Variants in NFIA observed in about 807,000 individuals in gnomAD.
NFIA encodes nuclear factor I A, also known as nuclear factor 1 A-type.
NFIA carries 8 observed loss-of-function variants against 62.8 expected under a neutral mutation model. That is an observed-to-expected ratio of 0.13 (90% CI 0.07 to 0.23). NFIA has a LOEUF of 0.23. Ranked by LOEUF, NFIA falls within the 10% of genes least tolerant of loss-of-function variation. The pLI is 1.00. For missense variants in NFIA, 410 were observed against 642.1 expected, an observed-to-expected ratio of 0.64 and a Z score of 3.91; for synonymous variants, 235 against 238.1, an observed-to-expected ratio of 0.99 and a Z score of 0.12.
At chr1:61,347,277 C>A (rs1662285256) in intron 4 of NFIA, among the ~76,000 whole-genome samples, 1 of 146,242 alleles carries the variant, frequency 6.8e-6, no homozygotes, top group Admixed American at 7.1e-5. Context: ...GGGTTCACAC[C>A]ATTCTCCTGC....
intron 2 of NFIA, among the ~76,000 whole-genome samples, chr1:61,102,504 T>G (rs1317281027): frequency 1.3e-5 from 2 of 152,212 alleles, no homozygotes; most frequent in Non-Finnish European, 2.9e-5. Flanking sequence ...CCTTTTCTTC[T>G]TTCCCTATCT....
At chr1:61,322,824 A>G (rs1045255273) in intron 3 of NFIA, among the ~76,000 whole-genome samples, 4 of 152,216 alleles carry the variant, frequency 2.6e-5, no homozygotes, top group African/African-American at 9.6e-5. Context: ...ATAAGTCCCC[A>G]AGAGTAAGGA....
chr1:61,280,456 T>TAC (rs1360774360), intron 3 of NFIA, among the ~76,000 whole-genome samples: 1 of 152,042 alleles, frequency 6.6e-6, no homozygotes, highest in East Asian at 1.9e-4. Flanking sequence ...TGTGTGTATA[T>TAC]ATATATGTAT....
At chr1:61,225,418 T>A (rs1324217449) in intron 2 of NFIA, among the ~76,000 whole-genome samples, 1 of 151,982 alleles carries the variant, frequency 6.6e-6, no homozygotes. Flanking sequence ...GCCCAGCTAA[T>A]TTTTGTATTT....
intron 2 of NFIA, among the ~76,000 whole-genome samples, chr1:61,190,913 T>G (rs1651569654): frequency 6.6e-6 from 1 of 152,226 alleles, no homozygotes; most frequent in South Asian, 2.1e-4. Context: ...AATTGAGGTT[T>G]GTAGTTTTAA....
chr1:61,130,222 T>C (rs537605850), intron 2 of NFIA, among the ~76,000 whole-genome samples: 2 of 152,180 alleles, frequency 1.3e-5, no homozygotes, highest in African/African-American at 2.4e-5. Context: ...CCAGGCTGTT[T>C]CCAGTTGTCT....
intron 3 of NFIA, among the ~76,000 whole-genome samples, chr1:61,313,898 T>G (rs961596788): frequency 2.6e-5 from 4 of 152,210 alleles, no homozygotes; most frequent in African/African-American, 9.7e-5. Flanking sequence ...ACTCTACCAG[T>G]TACTGTCTGT....
At chr1:61,192,695 T>A (rs1292422778) in intron 2 of NFIA, among the ~76,000 whole-genome samples, 3 of 144,738 alleles carry the variant, frequency 2.1e-5, no homozygotes, top group Non-Finnish European at 4.5e-5. Context: ...GGAGCGAGAC[T>A]CTTGTCTCAA....
chr1:61,352,651 C>A, intron 5 of NFIA, 84 bp downstream of exon 5: 1 of 1,048,108 alleles, frequency 9.5e-7, no homozygotes, highest in Non-Finnish European at 1.5e-6. Flanking sequence ...ATGGATTTAG[C>A]AATGCGCCTT....
chr1:61,344,132 G>A (rs1402861944), intron 4 of NFIA, among the ~76,000 whole-genome samples: 1 of 152,162 alleles, frequency 6.6e-6, no homozygotes, highest in Non-Finnish European at 1.5e-5. Context: ...GATAACAAAG[G>A]AGTTGAATTT....
At chr1:61,311,315 C>T (rs548605984) in intron 3 of NFIA, among the ~76,000 whole-genome samples, 4 of 152,002 alleles carry the variant, frequency 2.6e-5, no homozygotes, top group Non-Finnish European at 2.9e-5. Context: ...CGCTTGAACC[C>T]GGGAGGTGGA....
intron 2 of NFIA, among the ~76,000 whole-genome samples, chr1:61,129,067 C>T (rs1231018454): frequency 4.0e-5 from 6 of 151,070 alleles, no homozygotes; most frequent in East Asian, 4.0e-4. Context: ...GGACTACAGA[C>T]GCCCACCACC....
intron 2 of NFIA, among the ~76,000 whole-genome samples, chr1:61,123,052 G>A (rs182621917): frequency 5.3e-5 from 8 of 152,222 alleles, no homozygotes; most frequent in South Asian, 4.2e-4. Flanking sequence ...GTATTCTTCC[G>A]TTGATGATAA....
chr1:61,288,774 G>T (rs1032432286), intron 3 of NFIA, among the ~76,000 whole-genome samples: 1 of 152,084 alleles, frequency 6.6e-6, no homozygotes, highest in Non-Finnish European at 1.5e-5. Context: ...TGAGAGATTG[G>T]GTTGGAAGAA....
intron 8 of NFIA, among the ~76,000 whole-genome samples, chr1:61,406,216 A>G (rs113407026): frequency 2.0e-5 from 3 of 152,214 alleles, no homozygotes; most frequent in African/African-American, 7.2e-5. Flanking sequence ...ACAGAAAAAT[A>G]CAAAAGATTC....
intron 3 of NFIA, among the ~76,000 whole-genome samples, chr1:61,288,182 A>G (rs752532861): frequency 3.4e-4 from 51 of 152,218 alleles, no homozygotes; most frequent in Non-Finnish European, 1.2e-4. Context: ...ACATCCAGTT[A>G]CTGGCAGACC....
chr1:61,233,642 C>G (rs940586660), intron 2 of NFIA, among the ~76,000 whole-genome samples: 1 of 152,150 alleles, frequency 6.6e-6, no homozygotes, highest in African/African-American at 2.4e-5. Context: ...GAACAAATTC[C>G]TTAATTTCTC....
At chr1:61,265,477 A>G (rs182883142) in intron 2 of NFIA, among the ~76,000 whole-genome samples, 18 of 152,290 alleles carry the variant, frequency 1.2e-4, no homozygotes, top group African/African-American at 3.6e-4. Flanking sequence ...TTTCTGAAGA[A>G]TCAGATATTA....
intron 2 of NFIA, chr1:61,125,322 A>G (rs547081341): frequency 6.6e-6 from 1 of 152,358 alleles, no homozygotes; most frequent in African/African-American, 2.4e-5. Context: ...CAAAGTCAGA[A>G]TAGCCCTTTG....
Sources: allele counts gnomAD v4.1 joint callset (sites outside exome capture counted in the v4.1 genomes callset), GRCh38; gene constraint gnomAD v4.1.1; transcripts MANE v1.5; gene names NCBI Gene and HGNC (gene_info 2026-07-23, HGNC 2026-07-21).